The following ADCY7 variants were observed in gnomAD, a reference collection of about 807,000 sequenced individuals.
ADCY7 encodes adenylate cyclase 7, also known as adenylate cyclase type 7.
A neutral mutation model predicts 120.6 loss-of-function variants in ADCY7; 72 were observed. That is an observed-to-expected ratio of 0.60 (90% confidence interval 0.49 to 0.73). The LOEUF is 0.73. Among genes scored for constraint, ADCY7 ranks in the 30% least tolerant of loss-of-function variants. The probability of loss-of-function intolerance (pLI) is 0.00; values close to 1 mark genes in which losing one functional copy is unlikely to be tolerated. For missense variants in ADCY7, 1,227 were observed against 1,486.0 expected (o/e 0.83, Z 2.87); for synonymous variants, 661 against 628.0 (o/e 1.05, Z -0.78).
rs1567588431 is a variant in ADCY7, at chr16:50,316,089, T to C, written c.*584T>C. 6.5e-6 allele frequency: 1 copy of C among 152,868 alleles called. No individual in the cohort carries two copies. The highest frequency in any genetic ancestry group is 1.5e-5 in the Non-Finnish European group (1 of 68,458). 9.5% of individuals were successfully genotyped at this position (152,868 alleles called of 1,614,324 possible). Reference sequence around the variant, plus strand: ...ATTAACACTGTTACTTTTTGCCTTGTCTGGCATGTTTGTTTTAAATGAATA... The same window carrying C: ...ATTAACACTGTTACTTTTTGCCTTGCCTGGCATGTTTGTTTTAAATGAATA... On this transcript the variant is annotated 3_prime_UTR_variant, in exon 26 of 26. Coordinates refer to ENST00000673801, the MANE Select transcript of ADCY7 (RefSeq NM_001114.5).
Position 50,293,142 on chromosome 16 carries a change from G to C in ADCY7, c.688-212G>C, listed in dbSNP as rs114992991. 7.9e-5 allele frequency among the ~76,000 whole-genome samples: 12 copies of C among 152,244 alleles called. 1 individual carries two copies. In the East Asian group the frequency reaches 1.3e-3, roughly 17 times the overall value. On this transcript the variant is annotated intron_variant, in intron 5 of 25. Transcript: ENST00000673801. ...CCCTTTCTCAGTCACCCTGAGTCCCGGGGGCTGCTGGGTACATGGGAGGTA... is the reference window on the plus strand; with the variant it reads ...CCCTTTCTCAGTCACCCTGAGTCCCCGGGGCTGCTGGGTACATGGGAGGTA...
intron 12 of ADCY7, among the ~76,000 whole-genome samples, chr16:50,305,253 G>T (rs998796409): frequency 1.3e-5 from 2 of 152,232 alleles, no homozygotes; most frequent in African/African-American, 2.4e-5. Flanking sequence ...AATCCCGGGG[G>T]TGTAGCCGAA....
Position 50,317,548 on chromosome 16 carries a change from A to ATAAC in ADCY7, c.*2045_*2048dup, listed in dbSNP as rs2036860755. On this transcript the variant is annotated 3_prime_UTR_variant, in exon 26 of 26. Coordinates refer to ENST00000673801, the MANE Select transcript of ADCY7 (RefSeq NM_001114.5). ...GAAACCCCAGTTGGGAGTTTAACAA[A>ATAAC]TAACTGACTACCACTCACTCATGCA... The ATAAC allele has an allele frequency of 6.6e-6, 1 of 152,376 alleles. No homozygotes were observed. The highest frequency in any genetic ancestry group is 1.5e-5 in the Non-Finnish European group (1 of 68,050). The allele number at this position is 152,376 out of a possible 1,614,324, so 9.4% of individuals were successfully genotyped here.
chr16:50,262,228 C>G (rs1334078099), upstream of ADCY7, among the ~76,000 whole-genome samples: 1 of 151,876 alleles, frequency 6.6e-6, no homozygotes, highest in Non-Finnish European at 1.5e-5. Context: ...CCACATATGC[C>G]TGGACCCTGC....
intron 17 of ADCY7, 107 bp downstream of exon 17, chr16:50,308,899 G>A (rs1230473592): frequency 8.0e-6 from 11 of 1,380,566 alleles, no homozygotes; most frequent in Middle Eastern, 2.0e-4. Context: ...CCTCTCCCCC[G>A]AGCTCAGCAG....
intron 1 of ADCY7, among the ~76,000 whole-genome samples, chr16:50,275,207 G>A (rs2033808791): frequency 6.6e-6 from 1 of 152,248 alleles, no homozygotes; most frequent in African/African-American, 2.4e-5. Context: ...CCACCTGGGA[G>A]GCTAAGCTCA....
At chr16:50,254,737 A>G (rs1055583787) in intron 1 of ADCY7, among the ~76,000 whole-genome samples, 3 of 152,154 alleles carry the variant, frequency 2.0e-5, no homozygotes, top group African/African-American at 7.2e-5. Flanking sequence ...CATTCCAGTG[A>G]CTTCTCACAG....
At chr16:50,293,857 C>T (rs575680649) in intron 6 of ADCY7, among the ~76,000 whole-genome samples, 57 of 152,340 alleles carry the variant, frequency 3.7e-4, no homozygotes, top group African/African-American at 1.3e-3. Context: ...TAAAGCCCCC[C>T]GGCCTTGGTG....
At position 50,266,602 on chromosome 16, in the gene ADCY7, G is replaced by A. The variant is rs566373419; in HGVS notation, c.-347G>A. On this transcript the variant is annotated 5_prime_UTR_variant, in exon 1 of 26. Coordinates refer to ENST00000673801, the MANE Select transcript of ADCY7 (RefSeq NM_001114.5). ...CCTTCGGATGGGTGAGCCTGGGCGC[G>A]TCTGAGGAAGGGCAGGCGGGGGCCG... 6 of 154,528 alleles carry A rather than the reference G, an allele frequency of 3.9e-5. No individual in the cohort carries two copies. Among genetic ancestry groups the A allele is most frequent in the East Asian group, 3.8e-4 (2 of 5,210 alleles). The allele number at this position is 154,528 out of a possible 1,614,324, so 9.6% of individuals were successfully genotyped here. A position where few individuals can be genotyped will look rare whatever the true frequency, so the allele number is the denominator to read the frequency against.
rs1364303524 is a variant in ADCY7, at chr16:50,292,683, C to T, written c.545C>T (p.Ala182Val). The T allele has an allele frequency of 7.4e-6, 12 of 1,613,734 alleles. No individual in the cohort carries two copies. The highest frequency in any genetic ancestry group is 1.0e-5 in the Non-Finnish European group (12 of 1,179,846). ...PSVRVGLQLL[A>V]NAVIFLCGNL... The stretch of plus-strand genomic sequence containing the variant: ...ACCCCTGTCTACCCGCAGCTGCTGG[C>T]CAACGCAGTCATCTTCCTGTGTGGG... The change falls in exon 5 of 26, where the codon GCC becomes GTC. Residue 182 changes from alanine to valine, a missense_variant. Ala to Val is a moderately conservative substitution (Grantham distance 64). Around this residue, in one of 5 missense-constraint regions of ADCY7, gnomAD observed 382 missense variants for 411.4 expected, o/e 0.93. Transcript: ENST00000673801.
intron 1 of ADCY7, among the ~76,000 whole-genome samples, chr16:50,253,079 C>T (rs763926926): frequency 2.0e-5 from 3 of 152,142 alleles, no homozygotes; most frequent in Non-Finnish European, 4.4e-5. Flanking sequence ...AGCAGCCCAG[C>T]CTTTGACACA....
Position 50,315,378 on chromosome 16 carries a change from C to T in ADCY7, c.3116C>T (p.Thr1039Ile), listed in dbSNP as rs140459003. The T allele has an allele frequency of 3.6e-4, 585 of 1,613,238 alleles. 1 individual carries two copies. The East Asian group carries it at 0.012, about 33-fold the overall frequency. Residue 1039 changes from threonine (T) to isoleucine (I), a missense_variant, in exon 26 of 26, where the codon ACC (threonine) becomes ATC (isoleucine). Physicochemically the swap from Thr to Ile is moderately conservative, Grantham distance 89. Transcript: ENST00000673801. Reference protein sequence around the residue: ...GKIQVTEETCTILQGLGYSCE... With the variant: ...GKIQVTEETCIILQGLGYSCE... ...TTTCAGGTTACCGAGGAGACCTGCACCATCCTCCAGGGCCTCGGGTACTCT... is the reference window on the plus strand; with the variant it reads ...TTTCAGGTTACCGAGGAGACCTGCATCATCCTCCAGGGCCTCGGGTACTCT...
chr16:50,298,133 T>C (rs1288704941), intron 7 of ADCY7, among the ~76,000 whole-genome samples: 2 of 152,024 alleles, frequency 1.3e-5, no homozygotes, highest in Non-Finnish European at 2.9e-5. Flanking sequence ...TCTGCATTGA[T>C]ATCTTTCCTC....
Position 50,304,936 on chromosome 16 carries a change from G to A in ADCY7, c.1572G>A (p.Gln524=). Residue 524 remains glutamine (Q), a synonymous_variant, in exon 12 of 26, where the codon CAG becomes CAA. Coordinates refer to ENST00000673801, the MANE Select transcript of ADCY7 (RefSeq NM_001114.5). ...PNGRRPKSVP[Q]RHRRTPDRSM... is the part of the protein sequence containing the mutation. ...CCCTTCCCTTTCAGAGCGTTCCCCA[G>A]CGCCACCGCCGGACCCCAGACAGGT... The A allele has an allele frequency of 6.2e-7, 1 of 1,613,560 alleles. No individual in the cohort carries two copies. The highest frequency in any genetic ancestry group is 8.5e-7 in the Non-Finnish European group (1 of 1,180,012).
At position 50,307,070 on chromosome 16, in the gene ADCY7, C is replaced by T. The variant is rs773792690; in HGVS notation, c.1773C>T (p.Pro591=). 2 of 1,609,148 alleles carry T rather than the reference C, an allele frequency of 1.2e-6. No homozygotes were observed. The highest frequency in any genetic ancestry group is 2.7e-5 in the African/African-American group (2 of 74,904). ...CCCAGTACCGCCTGGCACCCATCCC[C>T]CGGGCCCGCCACGACTTTGCCTGCG... ...FEREYRLAPI[P]RARHDFACAS... Residue 591 remains proline, a synonymous_variant, in exon 15 of 26, where the codon CCC becomes CCT. Coordinates refer to ENST00000673801, the MANE Select transcript of ADCY7 (RefSeq NM_001114.5).
upstream of ADCY7, among the ~76,000 whole-genome samples, chr16:50,261,828 C>G (rs1306429328): frequency 6.6e-6 from 1 of 152,230 alleles, no homozygotes; most frequent in Non-Finnish European, 1.5e-5. Flanking sequence ...AGGTTGGCGA[C>G]AAGTGGCCAG....
chr16:50,304,963 C>T lies in ADCY7; in HGVS notation c.1595+4C>T, dbSNP rs760981974. 1.2e-5 allele frequency: 19 copies of T among 1,613,300 alleles called. No homozygotes were observed. Among genetic ancestry groups the T allele is most frequent in the South Asian group, 6.6e-5 (6 of 91,088 alleles). The stretch of plus-strand genomic sequence containing the variant: ...GCCACCGCCGGACCCCAGACAGGTG[C>T]GTGCCCTGCCCTCCTGGCCAAGTCC... On this transcript the variant is annotated splice_donor_region_variant and intron_variant, in intron 12 of 25. Coordinates refer to ENST00000673801, the MANE Select transcript of ADCY7 (RefSeq NM_001114.5).
chr16:50,315,818 G>A lies in ADCY7; in HGVS notation c.*313G>A. 2 of 291,154 alleles carry A rather than the reference G, an allele frequency of 6.9e-6. No homozygotes were observed. The highest frequency in any genetic ancestry group is 6.7e-6 in the Non-Finnish European group (1 of 148,478). The allele number at this position is 291,154 out of a possible 1,614,324, so 18.0% of individuals were successfully genotyped here. A position where few individuals can be genotyped will look rare whatever the true frequency, so the allele number is the denominator to read the frequency against. ...CTTTGTTCCCTGAGGTGCCAGGCAGGCAACTTTAGCACATGATGAAAACAG... is the reference window on the plus strand; with the variant it reads ...CTTTGTTCCCTGAGGTGCCAGGCAGACAACTTTAGCACATGATGAAAACAG... On this transcript the variant is annotated 3_prime_UTR_variant, in exon 26 of 26. Transcript: ENST00000673801.
In ADCY7 at chr16:50,276,305, C is replaced by T. The variant is rs560176705; in HGVS notation, c.-269+9625C>T. Among the ~76,000 whole-genome samples the T allele has an allele frequency of 6.4e-4, 97 of 152,346 alleles. 1 individual carries two copies. Among genetic ancestry groups the T allele is most frequent in the Middle Eastern group, 3.4e-3 (1 of 294 alleles). On this transcript the variant is annotated intron_variant, in intron 1 of 25. Transcript: ENST00000673801. ...GGCACTCACAGACCAGAGTAGGGGCCGGGCCTCCTCACCCCCAGTGCTGCT... is the reference window on the plus strand; with the variant it reads ...GGCACTCACAGACCAGAGTAGGGGCTGGGCCTCCTCACCCCCAGTGCTGCT...
Sources: allele counts gnomAD v4.1 joint callset (sites outside exome capture counted in the v4.1 genomes callset), GRCh38; gene constraint gnomAD v4.1.1; regional missense constraint gnomAD v4.1.1; transcripts MANE v1.5; gene names NCBI Gene and HGNC (gene_info 2026-07-23, HGNC 2026-07-21).